NCALD: variants seen among roughly 807,000 people sequenced by gnomAD.
NCALD encodes neurocalcin delta.
Under a neutral mutation model 18.6 loss-of-function variants are expected in NCALD, and 10 were observed. The ratio of observed to expected loss-of-function variants is 0.54; its 90% CI spans 0.33 to 0.91. The LOEUF is 0.91. Among genes scored for constraint, NCALD ranks in the 40% least tolerant of loss-of-function variants. The pLI is 0.03. For missense variants in NCALD, 184 were observed against 247.6 expected (o/e 0.74, Z 1.72); for synonymous variants, 88 against 87.4 (o/e 1.01, Z -0.04).
intron 1 of NCALD, among the ~76,000 whole-genome samples, chr8:101,748,730 G>A (rs1361105052): frequency 2.6e-5 from 4 of 152,202 alleles, no homozygotes; most frequent in African/African-American, 4.8e-5. Flanking sequence ...AGTTATGCAA[G>A]ATGACACAGC....
intron 1 of NCALD, among the ~76,000 whole-genome samples, chr8:102,065,481 T>C (rs1823980959): frequency 6.6e-6 from 1 of 152,132 alleles, no homozygotes; most frequent in African/African-American, 2.4e-5. Flanking sequence ...TGCTTACAAA[T>C]GAAACAGAGG....
At chr8:101,717,778 C>G (rs1377092420) in intron 2 of NCALD, among the ~76,000 whole-genome samples, 2 of 152,022 alleles carry the variant, frequency 1.3e-5, no homozygotes, top group Non-Finnish European at 2.9e-5. Flanking sequence ...AGGGAAAAAA[C>G]AACAACAACA....
At chr8:101,907,429 G>T (rs189595241) in intron 3 of NCALD, among the ~76,000 whole-genome samples, 105 of 151,990 alleles carry the variant, frequency 6.9e-4, no homozygotes, top group African/African-American at 2.4e-3. Context: ...ATGTTAAAGA[G>T]AGAAATAATA....
At chr8:101,777,032 C>G (rs112111619) in intron 1 of NCALD, among the ~76,000 whole-genome samples, 32 of 152,190 alleles carry the variant, frequency 2.1e-4, no homozygotes, top group Admixed American at 1.7e-3. Flanking sequence ...AGTCTCCCCC[C>G]AAAAGACATG....
intron 1 of NCALD, among the ~76,000 whole-genome samples, chr8:101,779,348 C>G (rs1811920667): frequency 6.6e-6 from 1 of 152,056 alleles, no homozygotes; most frequent in Non-Finnish European, 1.5e-5. Context: ...AAAGAGGTTA[C>G]CATGACTAAT....
At chr8:101,872,214 G>A (rs187800160) in intron 4 of NCALD, 33 of 1,511,138 alleles carry the variant, frequency 2.2e-5, no homozygotes, top group Non-Finnish European at 2.9e-5. Context: ...TGACCCACAA[G>A]CCCTCACTGG....
At chr8:102,095,770 T>C (rs894504054) in intron 1 of NCALD, among the ~76,000 whole-genome samples, 1 of 152,236 alleles carries the variant, frequency 6.6e-6, no homozygotes, top group East Asian at 1.9e-4. Context: ...TACCTCATGG[T>C]GGAAGCACCC....
chr8:101,834,279 C>T lies in NCALD; in HGVS notation c.-20+52862G>A, dbSNP rs978798513. Among the ~76,000 whole-genome samples the T allele has an allele frequency of 3.3e-5, 5 of 152,370 alleles. No individual in the cohort carries two copies. The East Asian group carries it at 5.8e-4, about 18-fold the overall frequency. ...ACCACCATAACGTGTGAAGAGGTGCCGGTGTCCCCCTGCTGGGGCTGGCCT... is the reference window on the plus strand; with the variant it reads ...ACCACCATAACGTGTGAAGAGGTGCTGGTGTCCCCCTGCTGGGGCTGGCCT... On this transcript the variant is annotated intron_variant, in intron 4 of 6. Coordinates refer to the NCALD transcript ENST00000311028.
At chr8:102,084,739 C>T (rs1311588983) in intron 1 of NCALD, among the ~76,000 whole-genome samples, 1 of 152,176 alleles carries the variant, frequency 6.6e-6, no homozygotes, top group East Asian at 1.9e-4. Flanking sequence ...AAGCTTGAAC[C>T]CGCCCAACTC....
chr8:101,730,592 T>G (rs1355023896), intron 1 of NCALD, among the ~76,000 whole-genome samples: 1 of 152,068 alleles, frequency 6.6e-6, no homozygotes, highest in African/African-American at 2.4e-5. Flanking sequence ...ATCGATGGAT[T>G]CAACAAATAA....
chr8:102,029,604 A>G (rs1822595217), intron 1 of NCALD, among the ~76,000 whole-genome samples: 1 of 152,234 alleles, frequency 6.6e-6, no homozygotes, highest in Admixed American at 6.5e-5. Flanking sequence ...ACGTTTCATC[A>G]TAAAAACCTT....
chr8:101,912,017 T>C (rs1817819250), intron 3 of NCALD, among the ~76,000 whole-genome samples: 1 of 152,210 alleles, frequency 6.6e-6, no homozygotes, highest in Non-Finnish European at 1.5e-5. Flanking sequence ...AAAATATACA[T>C]TTTTGAGGTC....
intron 1 of NCALD, among the ~76,000 whole-genome samples, chr8:101,758,252 C>T (rs530369832): frequency 1.1e-4 from 17 of 152,292 alleles, no homozygotes; most frequent in African/African-American, 2.9e-4. Context: ...TCTCTCCACC[C>T]GCTCCTGCTC....
chr8:101,930,239 G>C (rs189754537), intron 2 of NCALD, among the ~76,000 whole-genome samples: 1 of 152,072 alleles, frequency 6.6e-6, no homozygotes, highest in Admixed American at 6.5e-5. Context: ...ATACATGGAA[G>C]TGACTGTAAA....
chr8:101,845,272 T>A (rs1458697006), intron 4 of NCALD, among the ~76,000 whole-genome samples: 1 of 152,236 alleles, frequency 6.6e-6, no homozygotes, highest in Admixed American at 6.5e-5. Flanking sequence ...TTTATCTCAT[T>A]GCAGACCAGT....
At chr8:101,702,560 T>C (rs1035453842) in intron 2 of NCALD, among the ~76,000 whole-genome samples, 14 of 152,216 alleles carry the variant, frequency 9.2e-5, no homozygotes, top group Non-Finnish European at 1.9e-4. Flanking sequence ...GGAATGAGAA[T>C]GTCCAAGATC....
chr8:101,887,157 G>C (rs1467132669), exon 4 of NCALD: 2 of 152,130 alleles, frequency 1.3e-5, no homozygotes, highest in Non-Finnish European at 2.9e-5. Flanking sequence ...CAGTCACTCA[G>C]TGCCTGGGAT....
At chr8:102,075,919 T>C (rs1824328701) in intron 1 of NCALD, among the ~76,000 whole-genome samples, 1 of 150,478 alleles carries the variant, frequency 6.6e-6, no homozygotes, top group Admixed American at 6.6e-5. Flanking sequence ...ACCGTGGCAC[T>C]CCAGCCTGGG....
At chr8:102,009,553 G>C (rs1008200950) in intron 2 of NCALD, among the ~76,000 whole-genome samples, 1 of 152,204 alleles carries the variant, frequency 6.6e-6, no homozygotes, top group South Asian at 2.1e-4. Flanking sequence ...CCAGGTCAGA[G>C]ATGAAAGAAA....
Sources: gnomAD v4.1 joint callset for allele counts (sites outside exome capture counted in the v4.1 genomes callset) on GRCh38, gnomAD v4.1.1 for gene constraint, MANE v1.5 for transcripts, NCBI Gene and HGNC (gene_info 2026-07-23, HGNC 2026-07-21) for gene names.